The following ALDH1L1 variants were observed in gnomAD, a reference collection of about 807,000 sequenced individuals.
ALDH1L1 encodes the protein aldehyde dehydrogenase 1 family member L1.
A neutral mutation model predicts 101.1 loss-of-function variants in ALDH1L1; 68 were observed. The ratio of observed to expected loss-of-function variants is 0.67; its 90% CI spans 0.55 to 0.82. ALDH1L1 has a LOEUF of 0.82. ALDH1L1 is among the 40% of genes least tolerant of loss of function. The pLI, the probability that ALDH1L1 is intolerant of heterozygous loss-of-function variation, is 0.00. For synonymous variants in ALDH1L1, 486 were observed against 470.8 expected (o/e 1.03, Z -0.42); for missense variants, 1,087 against 1,172.7 (o/e 0.93, Z 1.07).
intron 15 of ALDH1L1, among the ~76,000 whole-genome samples, chr3:126,124,658 G>C (rs570810139): frequency 2.6e-5 from 4 of 152,288 alleles, no homozygotes; most frequent in South Asian, 4.1e-4. Context: ...TGGGAATCAG[G>C]GTGGGCCAAC....
intron 1 of ALDH1L1, among the ~76,000 whole-genome samples, chr3:126,177,104 T>C (rs2081376613): frequency 2.0e-5 from 3 of 152,222 alleles, no homozygotes; most frequent in Admixed American, 2.0e-4. Flanking sequence ...TTATTACTGG[T>C]AGAAATGAAA....
At chr3:126,196,070 C>T (rs527857024) in intron 1 of ALDH1L1, among the ~76,000 whole-genome samples, 1 of 151,976 alleles carries the variant, frequency 6.6e-6, no homozygotes, top group Non-Finnish European at 1.5e-5. Context: ...ATGTAACAAA[C>T]CTGCACATTG....
rs1246171662 is a variant in ALDH1L1 at position 126,107,193 on chromosome 3, C to T, written c.2401G>A (p.Ala801Thr). Residue 801 changes from alanine to threonine, a missense_variant, in exon 21 of 23, where the codon GCC (alanine) becomes ACC (threonine). Ala to Thr is a moderately conservative substitution (Grantham distance 58). Transcript: ENST00000393434. ...FTDVEDHMFI[A>T]KEESFGPVMI... ...ACAGGCCCGAAGGACTCCTCCTTGG[C>T]TATGAACATGTGGTCTTCCACGTCT... 6.2e-7 allele frequency: 1 copy of T among 1,614,222 alleles called. No individual in the cohort carries two copies. The highest frequency in any genetic ancestry group is 2.2e-5 in the East Asian group (1 of 44,878).
At chr3:126,175,828 G>C (rs1295640222) in intron 1 of ALDH1L1, among the ~76,000 whole-genome samples, 5 of 152,110 alleles carry the variant, frequency 3.3e-5, no homozygotes, top group Admixed American at 3.3e-4. Context: ...ACATTATACT[G>C]GAAGTGCTGG....
intron 1 of ALDH1L1, among the ~76,000 whole-genome samples, chr3:126,195,987 A>G (rs1283217995): frequency 6.6e-6 from 1 of 152,218 alleles, no homozygotes; most frequent in African/African-American, 2.4e-5. Flanking sequence ...GGGGAGGGAA[A>G]GCATTAGGAG....
At chr3:126,166,485 T>C (rs2081170629) in intron 1 of ALDH1L1, among the ~76,000 whole-genome samples, 1 of 152,236 alleles carries the variant, frequency 6.6e-6, no homozygotes, top group Non-Finnish European at 1.5e-5. Context: ...AAGTCCTTTA[T>C]GTTTTTCTCT....
chr3:126,158,170 A>C (rs1031249801), intron 3 of ALDH1L1, among the ~76,000 whole-genome samples: 7 of 151,924 alleles, frequency 4.6e-5, no homozygotes, highest in Non-Finnish European at 7.4e-5. Flanking sequence ...CTTCTCCAAT[A>C]ACTGTGGGAA....
chr3:126,153,309 G>T, intron 7 of ALDH1L1, 135 bp downstream of exon 7: 1 of 1,371,926 alleles, frequency 7.3e-7, no homozygotes, highest in Non-Finnish European at 1.0e-6. Flanking sequence ...GACAAATCAG[G>T]GTCAGTGTTC....
chr3:126,181,752 C>G (rs1327120961), upstream of ALDH1L1, among the ~76,000 whole-genome samples: 1 of 152,228 alleles, frequency 6.6e-6, no homozygotes, highest in African/African-American at 2.4e-5. Context: ...CCCCAATACA[C>G]AGTGATGGCT....
At chr3:126,124,264 G>C (rs2080135011) in intron 16 of ALDH1L1, 100 bp downstream of exon 16, 2 of 1,094,710 alleles carry the variant, frequency 1.8e-6, no homozygotes. Context: ...CTCTCCCCAG[G>C]CTACTCTGCC....
chr3:126,178,179 A>C (rs1233940783), intron 1 of ALDH1L1, among the ~76,000 whole-genome samples: 1 of 152,190 alleles, frequency 6.6e-6, no homozygotes, highest in Non-Finnish European at 1.5e-5. Context: ...CCTTGAGTTC[A>C]AGGCCAGCTT....
chr3:126,181,991 T>C (rs2108349126), upstream of ALDH1L1, among the ~76,000 whole-genome samples: 1 of 152,274 alleles, frequency 6.6e-6, no homozygotes, highest in East Asian at 1.9e-4. Context: ...CGTTCATCTT[T>C]GTCCAGAGAA....
intron 1 of ALDH1L1, among the ~76,000 whole-genome samples, chr3:126,178,052 A>G (rs1249070353): frequency 1.3e-5 from 2 of 150,420 alleles, no homozygotes; most frequent in Non-Finnish European, 3.0e-5. Context: ...AAAAGAAAAA[A>G]GCTGTAACAA....
At chr3:126,159,377 C>T (rs779407599) in intron 2 of ALDH1L1, 10 of 455,516 alleles carry the variant, frequency 2.2e-5, no homozygotes, top group Admixed American at 1.9e-4. Flanking sequence ...TTTATCTTAG[C>T]CTTACAGTGG....
At chr3:126,112,725 G>A in intron 19 of ALDH1L1, 57 bp downstream of exon 19, 2 of 1,510,110 alleles carry the variant, frequency 1.3e-6, no homozygotes, top group Non-Finnish European at 1.8e-6. Flanking sequence ...ACCCCCTCCA[G>A]CCAGGCGCTG....
intron 16 of ALDH1L1, among the ~76,000 whole-genome samples, chr3:126,124,124 C>T (rs2080132485): frequency 9.2e-6 from 1 of 109,204 alleles, no homozygotes; most frequent in African/African-American, 5.2e-5. Context: ...CACACACACA[C>T]ACACACACAC....
In ALDH1L1 at chr3:126,110,004, G is replaced by A; in HGVS notation, c.2287C>T (p.Gln763Ter). Residue 763 changes from glutamine to a stop codon, truncating the protein, a stop_gained, in exon 20 of 23, where the codon CAG (glutamine) becomes TAG (stop). Coordinates refer to ENST00000393434, the MANE Select transcript of ALDH1L1 (RefSeq NM_012190.4). LOFTEE classifies it high-confidence loss of function. ...GTGGCCCCTTCCTTCACGCCATGCT[G>A]GCAGTACTCCATCAGCTTCACAAGG... ...AHLVKLMEYC[Q>*]HGVKEGATLV... 1 of 1,614,190 alleles carries A rather than the reference G, an allele frequency of 6.2e-7. No homozygotes were observed. Among genetic ancestry groups the A allele is most frequent in the Non-Finnish European group, 8.5e-7 (1 of 1,180,022 alleles).
At chr3:126,182,143 CTTTA>C (rs1046923385), upstream of ALDH1L1, among the ~76,000 whole-genome samples, 53 of 151,252 alleles carry the variant, frequency 3.5e-4, no homozygotes, top group African/African-American at 1.2e-3. Flanking sequence ...CCTCTCTCAA[CTTTA>C]TTTATTTATT....
At chr3:126,119,923 A>G (rs2080045546) in intron 16 of ALDH1L1, among the ~76,000 whole-genome samples, 1 of 152,230 alleles carries the variant, frequency 6.6e-6, no homozygotes, top group African/African-American at 2.4e-5. Flanking sequence ...TAAAACAGCA[A>G]TGAGATACCA....
Sources: allele counts gnomAD v4.1 joint callset (sites outside exome capture counted in the v4.1 genomes callset), GRCh38; gene constraint gnomAD v4.1.1; transcripts MANE v1.5; gene names NCBI Gene and HGNC (gene_info 2026-07-23, HGNC 2026-07-21).